The following BRD4 variants were observed in gnomAD, a reference collection of about 807,000 sequenced individuals.
The protein encoded by BRD4 is bromodomain-containing protein 4.
In BRD4, 16 loss-of-function variants were observed where a neutral mutation model predicts 142.1. The observed-to-expected ratio is 0.11, with a 90% CI of 0.08 to 0.17. The LOEUF is 0.17. Ranked by LOEUF, BRD4 falls within the 10% of genes least tolerant of loss-of-function variation. The pLI is 1.00. For synonymous variants in BRD4, 833 were observed against 707.5 expected (o/e 1.18, Z -2.82); for missense variants, 1,424 against 1,810.9 (o/e 0.79, Z 3.88).
chr19:15,247,793 T>C (rs2047304202), intron 11 of BRD4: 1 of 232,522 alleles, frequency 4.3e-6, no homozygotes, highest in African/African-American at 2.2e-5. Context: ...AATAGTTTGT[T>C]TGGCAAACAG....
chr19:15,282,700 C>T (rs1160169716), intron 1 of BRD4, among the ~76,000 whole-genome samples: 2 of 152,218 alleles, frequency 1.3e-5, no homozygotes, highest in African/African-American at 2.4e-5. Flanking sequence ...TTGTTGACTC[C>T]TTTAAAGCCA....
chr19:15,272,081 T>C (rs1253212201), intron 2 of BRD4, among the ~76,000 whole-genome samples: 1 of 151,940 alleles, frequency 6.6e-6, no homozygotes, highest in East Asian at 1.9e-4. Context: ...AAAAAAAAAC[T>C]GAAGCATTTA....
intron 3 of BRD4, 101 bp from the exon 4 acceptor site, chr19:15,267,652 A>C (rs900757973): frequency 9.1e-5 from 126 of 1,391,390 alleles, no homozygotes; most frequent in Non-Finnish European, 1.2e-4. Context: ...CAAAACATGA[A>C]GCGTCGTATT....
chr19:15,277,653 G>A (rs1316415297), intron 1 of BRD4, among the ~76,000 whole-genome samples: 1 of 149,924 alleles, frequency 6.7e-6, no homozygotes, highest in Non-Finnish European at 1.5e-5. Flanking sequence ...ACCCAGGCAT[G>A]GTGGTGTACA....
At chr19:15,243,513 T>C (rs968687058) in intron 13 of BRD4, 26 bp from the exon 14 acceptor site, 8 of 1,531,396 alleles carry the variant, frequency 5.2e-6, no homozygotes, top group Non-Finnish European at 7.0e-6. Flanking sequence ...ACCGAGGCGG[T>C]GAGGCCTGAG....
At position 15,244,622 on chromosome 19, in the gene BRD4, G is replaced by C. The variant is rs201031667; in HGVS notation, c.2212-22C>G. ...GGTGCTGCAGACAGAGAGACAGACAGACAGACAGGCTGATGTCAGGCAGGC... is the reference window on the plus strand; with the variant it reads ...GGTGCTGCAGACAGAGAGACAGACACACAGACAGGCTGATGTCAGGCAGGC... On this transcript the variant is annotated intron_variant, in intron 12 of 19. Transcript: ENST00000679869. The C allele has an allele frequency of 1.2e-4, 193 of 1,613,698 alleles. 2 individuals carry two copies. In the East Asian group the frequency reaches 3.3e-3, roughly 27 times the overall value.
intron 5 of BRD4, 94 bp downstream of exon 5, chr19:15,265,260 C>T (rs1300876217): frequency 2.4e-6 from 3 of 1,255,536 alleles, no homozygotes; most frequent in Non-Finnish European, 3.2e-6. Flanking sequence ...CCACCAGTGC[C>T]CGGGACCCAG....
intron 1 of BRD4, among the ~76,000 whole-genome samples, chr19:15,286,914 T>C (rs1198043574): frequency 1.3e-5 from 2 of 152,216 alleles, no homozygotes; most frequent in East Asian, 1.9e-4. Flanking sequence ...GAGGTTTCAC[T>C]GGCTAGGAGG....
intron 1 of BRD4, chr19:15,280,354 C>T (rs2047693858): frequency 3.9e-6 from 4 of 1,015,250 alleles, no homozygotes; most frequent in Non-Finnish European, 4.7e-6. Context: ...TTTGCTGTAC[C>T]CATCAGTGGC....
At chr19:15,272,423 A>C (rs557287748) in intron 2 of BRD4, among the ~76,000 whole-genome samples, 1 of 152,290 alleles carries the variant, frequency 6.6e-6, no homozygotes, top group South Asian at 2.1e-4. Context: ...CCTCTAGCAT[A>C]GTTTGATCAA....
intron 11 of BRD4, chr19:15,248,398 C>T (rs2047310952): frequency 4.6e-6 from 1 of 215,402 alleles, no homozygotes; most frequent in Non-Finnish European, 9.4e-6. Context: ...TCTGGTCCAC[C>T]AGCCCAGACT....
intron 1 of BRD4, among the ~76,000 whole-genome samples, chr19:15,329,584 CA>C (rs2048139312): frequency 6.6e-6 from 1 of 151,918 alleles, no homozygotes; most frequent in Non-Finnish European, 1.5e-5. Flanking sequence ...ACTAAAAATA[CA>C]AAAATTAGCT....
At chr19:15,295,524 A>T (rs1325765801) in intron 1 of BRD4, among the ~76,000 whole-genome samples, 1 of 152,176 alleles carries the variant, frequency 6.6e-6, no homozygotes, top group Non-Finnish European at 1.5e-5. Context: ...GTATCTACTT[A>T]ATGCTGAGAA....
chr19:15,241,805 C>CTTTT (rs906788611), intron 14 of BRD4, among the ~76,000 whole-genome samples: 21 of 104,298 alleles, frequency 2.0e-4, no homozygotes, highest in Non-Finnish European at 2.9e-4. Context: ...TGGCACCTGA[C>CTTTT]TTTTTTTTTT....
chr19:15,250,727 G>C (rs752855830), intron 11 of BRD4, among the ~76,000 whole-genome samples: 18 of 152,186 alleles, frequency 1.2e-4, no homozygotes, highest in Non-Finnish European at 1.9e-4. Context: ...ACAAAGACCT[G>C]TGCATGACAC....
At chr19:15,243,626 C>T in intron 13 of BRD4, 139 bp from the exon 14 acceptor site, 5 of 1,367,998 alleles carry the variant, frequency 3.7e-6, no homozygotes, top group Non-Finnish European at 4.8e-6. Flanking sequence ...TCCCCACCTA[C>T]CGTGGCCTCC....
rs2047609336 is a variant in BRD4, at chr19:15,273,231, T to A, written c.-34-98A>T. 10 of 1,282,820 alleles carry A rather than the reference T, an allele frequency of 7.8e-6. No individual in the cohort carries two copies. In the East Asian group the frequency reaches 2.1e-4, roughly 27 times the overall value. The allele number at this position is 1,282,820 out of a possible 1,614,324, so 79.5% of individuals were successfully genotyped here. Reference sequence around the variant, plus strand: ...CTGGCTGTGGTCTCCAAGGACTGAGTTCCCTGGCGGTAGCTAGCCAAGTTG... The same window carrying A: ...CTGGCTGTGGTCTCCAAGGACTGAGATCCCTGGCGGTAGCTAGCCAAGTTG... On this transcript the variant is annotated intron_variant, in intron 1 of 19. Coordinates refer to ENST00000679869, the MANE Select transcript of BRD4 (RefSeq NM_001379291.1).
intron 1 of BRD4, among the ~76,000 whole-genome samples, chr19:15,288,305 G>C (rs1333606827): frequency 6.6e-6 from 1 of 152,118 alleles, no homozygotes; most frequent in African/African-American, 2.4e-5. Flanking sequence ...AGGATTTATG[G>C]GTGGCTGGGA....
rs756144386 is a variant in BRD4 at position 15,273,091 on chromosome 19, C to A, written c.9G>T (p.Ala3=). Residue 3 remains alanine, a synonymous_variant, in exon 2 of 20, where the codon GCG becomes GCT. Coordinates refer to ENST00000679869, the MANE Select transcript of BRD4 (RefSeq NM_001379291.1). ...TCAATCTCGTCCCAGGGCCGCTCTC[C>A]GCAGACATGCTAGTGATCCCATCAC... is the stretch of plus-strand genomic sequence containing the variant. MS[A]ESGPGTRLRN... is the part of the protein sequence containing the mutation. 6.3e-7 allele frequency: 1 copy of A among 1,590,662 alleles called. No homozygotes were observed.
Sources: allele counts gnomAD v4.1 joint callset (sites outside exome capture counted in the v4.1 genomes callset), GRCh38; gene constraint gnomAD v4.1.1; transcripts MANE v1.5; gene names NCBI Gene and HGNC (gene_info 2026-07-23, HGNC 2026-07-21).